The following TBC1D4 variants were observed in gnomAD, a reference collection of about 807,000 sequenced individuals.
TBC1D4 encodes TBC (Tre-2, BUB2, CDC16) domain-containing protein.
A neutral mutation model predicts 142.5 loss-of-function variants in TBC1D4; 121 were observed. The observed-to-expected ratio is 0.85, with a 90% CI of 0.73 to 0.99. The LOEUF (loss-of-function observed/expected upper bound fraction) is 0.99. Among genes scored for constraint, TBC1D4 ranks in the 50% least tolerant of loss-of-function variants. The pLI is 0.00. For synonymous variants in TBC1D4, 630 were observed against 628.2 expected (o/e 1.00, Z -0.04); for missense variants, 1,475 against 1,606.6 (o/e 0.92, Z 1.40).
chr13:75,389,971 T>A (rs1055825110), intron 1 of TBC1D4, among the ~76,000 whole-genome samples: 6 of 151,964 alleles, frequency 3.9e-5, no homozygotes, highest in African/African-American at 1.4e-4. Context: ...AAACCAAAAA[T>A]TTAAAATGAA....
At chr13:75,304,154 T>C (rs1876909468) in intron 15 of TBC1D4, among the ~76,000 whole-genome samples, 1 of 152,236 alleles carries the variant, frequency 6.6e-6, no homozygotes, top group African/African-American at 2.4e-5. Flanking sequence ...CTTATACATT[T>C]GTTGAATGAA....
intron 19 of TBC1D4, among the ~76,000 whole-genome samples, chr13:75,291,754 C>T (rs533124464): frequency 2.0e-5 from 3 of 152,286 alleles, no homozygotes; most frequent in African/African-American, 7.2e-5. Flanking sequence ...ACTCCTGCCA[C>T]GTGTCCTCTT....
chr13:75,312,937 C>T (rs1193229068), intron 12 of TBC1D4, 39 bp from the exon 13 acceptor site: 1 of 1,611,094 alleles, frequency 6.2e-7, no homozygotes, highest in East Asian at 2.2e-5. Context: ...ATAAGGAGAG[C>T]TGCACATCAT....
In TBC1D4 at chr13:75,465,635, G is replaced by A. The variant is rs1888135317; in HGVS notation, c.498+15635C>T. 2.0e-5 allele frequency among the ~76,000 whole-genome samples: 3 copies of A among 152,202 alleles called. No homozygotes were observed. In the East Asian group the frequency reaches 5.8e-4, roughly 29 times the overall value. On this transcript the variant is annotated intron_variant, in intron 1 of 20. Transcript: ENST00000377636. ...GAATGGACCCTCCTCTCAGCAAAGG[G>A]CATTCCAAAGTTAACCTGAAAACCA...
At chr13:75,419,385 T>C (rs747256891) in intron 1 of TBC1D4, among the ~76,000 whole-genome samples, 12 of 152,212 alleles carry the variant, frequency 7.9e-5, no homozygotes, top group Admixed American at 5.9e-4. Context: ...TGTCTAACAA[T>C]GTATGTATCT....
chr13:75,396,259 G>T (rs1186095178), intron 1 of TBC1D4, among the ~76,000 whole-genome samples: 2 of 152,156 alleles, frequency 1.3e-5, no homozygotes, highest in Admixed American at 1.3e-4. Context: ...AGCCACGAAT[G>T]CTGTTAATGG....
At chr13:75,327,721 C>A in intron 9 of TBC1D4, 31 bp downstream of exon 9, 1 of 1,609,774 alleles carries the variant, frequency 6.2e-7, no homozygotes. Flanking sequence ...TGTTAAGTTG[C>A]AATTAGTGTA....
At chr13:75,349,437 G>A (rs775758307) in intron 4 of TBC1D4, 135 bp from the exon 5 acceptor site, 56 of 1,181,456 alleles carry the variant, frequency 4.7e-5, no homozygotes, top group Non-Finnish European at 6.4e-5. Context: ...AGAGTTAGCC[G>A]AGAGAAAATA....
At position 75,299,374 on chromosome 13, in the gene TBC1D4, G is replaced by C; in HGVS notation, c.3112C>G (p.Leu1038Val). Residue 1038 changes from leucine (L) to valine (V), a missense_variant, in exon 17 of 21, where the codon CTC becomes GTC. This residue lies in a region of TBC1D4 where 248 missense variants were observed against 338.9 expected (regional missense o/e 0.73). Transcript: ENST00000377636. ...FEMLKFLMYD[L>V]GFRKQYRPDM... ...GGTCTGTACTGCTTGCGGAAGCCGA[G>C]GTCATACATGAGGAATTTCAGCATT... The C allele has an allele frequency of 6.2e-7, 1 of 1,614,122 alleles. No individual in the cohort carries two copies. The highest frequency in any genetic ancestry group is 8.5e-7 in the Non-Finnish European group (1 of 1,180,030).
At chr13:75,410,229 A>G (rs531738951) in intron 1 of TBC1D4, among the ~76,000 whole-genome samples, 1 of 152,324 alleles carries the variant, frequency 6.6e-6, no homozygotes, top group African/African-American at 2.4e-5. Flanking sequence ...TATTACAGCC[A>G]TCCCCCTTTT....
intron 5 of TBC1D4, among the ~76,000 whole-genome samples, chr13:75,346,457 T>G (rs1482538303): frequency 1.3e-5 from 2 of 152,222 alleles, no homozygotes; most frequent in Non-Finnish European, 2.9e-5. Flanking sequence ...TTCATCCATG[T>G]CCCTGCAAAG....
intron 1 of TBC1D4, among the ~76,000 whole-genome samples, chr13:75,391,564 G>A (rs1884493098): frequency 6.6e-6 from 1 of 152,174 alleles, no homozygotes. Flanking sequence ...ACTTCACTGT[G>A]CTAGGTTTTC....
At chr13:75,441,247 C>T (rs1226367443) in intron 1 of TBC1D4, among the ~76,000 whole-genome samples, 1 of 152,002 alleles carries the variant, frequency 6.6e-6, no homozygotes, top group Admixed American at 6.6e-5. Flanking sequence ...CAGTGTGAGA[C>T]TCTGTCTCAA....
At chr13:75,409,217 T>C (rs191602237) in intron 1 of TBC1D4, among the ~76,000 whole-genome samples, 1 of 152,346 alleles carries the variant, frequency 6.6e-6, no homozygotes, top group African/African-American at 2.4e-5. Context: ...TAGAAATGTA[T>C]ATACCAGAAT....
At position 75,312,906 on chromosome 13, in the gene TBC1D4, A is replaced by G. The variant is rs1389424362; in HGVS notation, c.2223-8T>C. 1.2e-6 allele frequency: 2 copies of G among 1,614,074 alleles called. No homozygotes were observed. Among genetic ancestry groups the G allele is most frequent in the Non-Finnish European group, 1.7e-6 (2 of 1,180,000 alleles). On this transcript the variant is annotated splice_polypyrimidine_tract_variant and splice_region_variant and intron_variant, in intron 12 of 20. Transcript: ENST00000377636. ...TTTCTCCCTTCTCCATCACTGTTGA[A>G]AGCAAATAAACATATCACTTATAAG...
At chr13:75,338,858 T>G (rs1264418671) in intron 7 of TBC1D4, among the ~76,000 whole-genome samples, 1 of 152,164 alleles carries the variant, frequency 6.6e-6, no homozygotes, top group Admixed American at 6.5e-5. Context: ...TCATCAAATT[T>G]CCCCACACGG....
At chr13:75,448,123 T>C (rs116363281) in intron 1 of TBC1D4, among the ~76,000 whole-genome samples, 1,607 of 152,294 alleles carry the variant, frequency 0.011, 37 homozygotes, top group African/African-American at 0.037. Flanking sequence ...ACTGCTGTTC[T>C]ACAGTGACTA....
At chr13:75,337,453 A>C (rs1880319374) in intron 7 of TBC1D4, among the ~76,000 whole-genome samples, 1 of 152,238 alleles carries the variant, frequency 6.6e-6, no homozygotes, top group Admixed American at 6.5e-5. Context: ...TTTTCCAAAC[A>C]AAACTGGATT....
intron 7 of TBC1D4, 46 bp from the exon 8 acceptor site, chr13:75,337,086 G>A (rs1880289347): frequency 6.4e-7 from 1 of 1,569,924 alleles, no homozygotes. Flanking sequence ...AATACTCAAG[G>A]TTAAATGAAA....
Sources: allele counts gnomAD v4.1 joint callset (sites outside exome capture counted in the v4.1 genomes callset), GRCh38; gene constraint gnomAD v4.1.1; regional missense constraint gnomAD v4.1.1; transcripts MANE v1.5; gene names NCBI Gene and HGNC (gene_info 2026-07-23, HGNC 2026-07-21).